Variants in CEP192 observed in about 807,000 individuals in gnomAD.
The protein encoded by CEP192 is centrosomal protein 192.
A neutral mutation model predicts 271.8 loss-of-function variants in CEP192; 151 were observed. The ratio of observed to expected loss-of-function variants is 0.56; its 90% CI spans 0.49 to 0.64. The LOEUF (loss-of-function observed/expected upper bound fraction) is 0.64, where lower values mean the gene tolerates loss of function less well. Ranked by LOEUF, CEP192 falls within the 30% of genes least tolerant of loss-of-function variation. The pLI is 0.00. For missense variants in CEP192, 2,910 were observed against 3,020.5 expected (o/e 0.96, Z 0.86); for synonymous variants, 995 against 1,076.5 (o/e 0.92, Z 1.48).
chr18:13,017,829 C>G (rs993939981), intron 7 of CEP192, among the ~76,000 whole-genome samples: 1 of 152,178 alleles, frequency 6.6e-6, no homozygotes, highest in South Asian at 2.1e-4. Flanking sequence ...TTTATTCTTA[C>G]TATTTTTTAT....
At chr18:13,106,829 T>C (rs1317538272) in intron 40 of CEP192, among the ~76,000 whole-genome samples, 2 of 152,202 alleles carry the variant, frequency 1.3e-5, no homozygotes, top group Non-Finnish European at 2.9e-5. Flanking sequence ...CCACAAATTT[T>C]AGGGATCATA....
intron 9 of CEP192, 90 bp downstream of exon 9, chr18:13,019,296 A>G: frequency 8.9e-7 from 1 of 1,124,032 alleles, no homozygotes; most frequent in Non-Finnish European, 1.2e-6. Flanking sequence ...TCAAAGAAAC[A>G]GTAACTGTTG....
intron 12 of CEP192, 66 bp from the exon 13 acceptor site, chr18:13,038,304 G>A (rs2036018654): frequency 3.2e-6 from 4 of 1,247,144 alleles, no homozygotes; most frequent in African/African-American, 1.5e-5. Flanking sequence ...TTTAGTTTTT[G>A]TATATTAGAA....
intron 8 of CEP192, among the ~76,000 whole-genome samples, 169 bp from the exon 9 acceptor site, chr18:13,018,913 T>A (rs1445473744): frequency 6.6e-6 from 1 of 152,210 alleles, no homozygotes; most frequent in African/African-American, 2.4e-5. Flanking sequence ...TCATGTTTAT[T>A]ATTGCCTCTT....
At position 13,038,430 on chromosome 18, in the gene CEP192, A is replaced by G. The variant is rs1407981414; in HGVS notation, c.1660A>G (p.Thr554Ala). 1.9e-6 allele frequency: 3 copies of G among 1,551,656 alleles called. No individual in the cohort carries two copies. Among genetic ancestry groups the G allele is most frequent in the Admixed American group, 2.0e-5 (1 of 51,002 alleles). Residue 554 changes from threonine (T) to alanine (A), a missense_variant, in exon 13 of 45, where the codon ACA becomes GCA. Transcript: ENST00000506447. ...ACTGGGCGATACGTCCTGGGGAGCT[A>G]CAATTAATTACAGTCTGTTGAGGAA... Reference protein sequence around the residue: ...VALGDTSWGATINYSLLRKSR... With the variant: ...VALGDTSWGAAINYSLLRKSR...
At chr18:13,051,108 AT>A (rs1303996823) in intron 17 of CEP192, among the ~76,000 whole-genome samples, 1 of 151,888 alleles carries the variant, frequency 6.6e-6, no homozygotes, top group African/African-American at 2.4e-5. Context: ...AAAATTCTTT[AT>A]TTTTCTAGTC....
chr18:13,056,374 G>C lies in CEP192; in HGVS notation c.3784G>C (p.Ala1262Pro), dbSNP rs2037102118. The change falls in exon 19 of 45, where the codon GCT (alanine) becomes CCT (proline). Residue 1262 changes from alanine to proline, a missense_variant. Coordinates refer to ENST00000506447, the MANE Select transcript of CEP192 (RefSeq NM_032142.4). ...TQPSLSAAPF[A>P]QRYLGTLPST... is the part of the protein sequence containing the mutation. ...ACCCTCTCTCAGCGCTGCTCCTTTT[G>C]CTCAGCGGTATTTGGGAACACTCCC... 1 of 1,614,208 alleles carries C rather than the reference G, an allele frequency of 6.2e-7. No individual in the cohort carries two copies. Among genetic ancestry groups the C allele is most frequent in the Non-Finnish European group, 8.5e-7 (1 of 1,180,036 alleles).
In CEP192 at chr18:13,114,205, A is replaced by T; in HGVS notation, c.7243A>T (p.Lys2415Ter). ...DSLIKIDHLV[K>*]PRRQAVSEAS... ...CCTCATTAAAATAGATCATTTAGTT[A>T]AGCCCCGAAGACAAGCTGTGTCAGA... Residue 2415 changes from lysine (K) to a stop codon, truncating the protein, a stop_gained, in exon 42 of 45, where the codon AAG becomes TAG. Transcript: ENST00000506447. LOFTEE classifies it high-confidence loss of function. 1.2e-6 allele frequency: 2 copies of T among 1,614,032 alleles called. No homozygotes were observed. The highest frequency in any genetic ancestry group is 1.7e-6 in the Non-Finnish European group (2 of 1,179,996).
At chr18:13,048,485 GA>G (rs1423784644) in intron 15 of CEP192, among the ~76,000 whole-genome samples, 2 of 152,204 alleles carry the variant, frequency 1.3e-5, no homozygotes, top group Non-Finnish European at 2.9e-5. Flanking sequence ...CAAGTGAAAA[GA>G]GGAAGGTTCT....
Position 13,119,358 on chromosome 18 carries a change from A to G in CEP192, c.7475+1715A>G, listed in dbSNP as rs543434327. Among the ~76,000 whole-genome samples the G allele has an allele frequency of 2.6e-5, 4 of 152,334 alleles. No individual in the cohort carries two copies. The East Asian group carries it at 5.8e-4, about 22-fold the overall frequency. On this transcript the variant is annotated intron_variant, in intron 44 of 44. Coordinates refer to ENST00000506447, the MANE Select transcript of CEP192 (RefSeq NM_032142.4). ...ATATTTTTAAACATGCAGTGGATCA[A>G]TGGAATACTTCTGTTCAAACTGGCA...
Position 13,057,622 on chromosome 18 carries a change from T to G in CEP192, c.4146T>G (p.His1382Gln). The G allele has an allele frequency of 6.2e-7, 1 of 1,614,210 alleles. No homozygotes were observed. The highest frequency in any genetic ancestry group is 8.5e-7 in the Non-Finnish European group (1 of 1,180,012). ...VRVPEELKLP[H>Q]ACCVGIASQT... ...TGCCCGAGGAGTTGAAGCTTCCTCA[T>G]GCTTGCTGTGTCGGGATCGCTTCCC... is the stretch of plus-strand genomic sequence containing the variant. The change falls in exon 20 of 45, where the codon CAT becomes CAG. Residue 1382 changes from histidine (H) to glutamine (Q), a missense_variant. His to Gln is a conservative substitution (Grantham distance 24). Transcript: ENST00000506447.
chr18:13,088,454 C>A (rs986030031), intron 32 of CEP192, among the ~76,000 whole-genome samples: 4 of 152,120 alleles, frequency 2.6e-5, no homozygotes, highest in African/African-American at 7.2e-5. Flanking sequence ...TAAATAAATA[C>A]ATACATACAT....
intron 4 of CEP192, among the ~76,000 whole-genome samples, chr18:13,011,432 T>C (rs7237236): frequency 0.71 from 107,335 of 152,086 alleles, 39,094 homozygotes; most frequent in African/African-American, 0.89. Flanking sequence ...AAATGTTAAA[T>C]ATTGTGTTAC....
intron 32 of CEP192, chr18:13,088,937 A>T: frequency 2.3e-6 from 1 of 443,736 alleles, no homozygotes; most frequent in Admixed American, 2.5e-5. Flanking sequence ...CTCAATTGGG[A>T]TATAGAAATC....
intron 15 of CEP192, 64 bp from the exon 16 acceptor site, chr18:13,048,795 G>T: frequency 9.2e-7 from 1 of 1,084,132 alleles, no homozygotes; most frequent in Middle Eastern, 2.1e-4. Flanking sequence ...ATGATAATGG[G>T]GGACTAATGA....
At chr18:13,086,055 T>C (rs992874355) in intron 30 of CEP192, among the ~76,000 whole-genome samples, 2 of 152,242 alleles carry the variant, frequency 1.3e-5, no homozygotes, top group Admixed American at 6.5e-5. Flanking sequence ...CTTCTCTTAC[T>C]TCTTTGAGCA....
intron 30 of CEP192, among the ~76,000 whole-genome samples, chr18:13,074,700 A>C (rs1192269272): frequency 2.0e-5 from 3 of 152,298 alleles, no homozygotes; most frequent in African/African-American, 7.2e-5. Context: ...CCTGTGGGCT[A>C]TGGATAAATA....
chr18:13,025,978 T>G (rs190572815), intron 9 of CEP192, among the ~76,000 whole-genome samples: 23 of 152,362 alleles, frequency 1.5e-4, no homozygotes, highest in South Asian at 2.1e-4. Context: ...TTTGTAGATT[T>G]AAGATTCTGA....
intron 36 of CEP192, among the ~76,000 whole-genome samples, chr18:13,097,646 A>T (rs1013740339): frequency 6.8e-4 from 78 of 115,254 alleles, no homozygotes; most frequent in South Asian, 1.7e-3. Context: ...TTTTTTAACT[A>T]TTATTTTTTT....
Sources: gnomAD v4.1 joint callset for allele counts (sites outside exome capture counted in the v4.1 genomes callset) on GRCh38, gnomAD v4.1.1 for gene constraint, MANE v1.5 for transcripts, NCBI Gene and HGNC (gene_info 2026-07-23, HGNC 2026-07-21) for gene names.